The following P4HA2 variants were observed in gnomAD, a reference collection of about 807,000 sequenced individuals.
P4HA2 encodes prolyl 4-hydroxylase subunit alpha-2.
P4HA2 carries 46 observed loss-of-function variants against 76.9 expected under a neutral mutation model. The ratio of observed to expected loss-of-function variants is 0.60; its 90% CI spans 0.47 to 0.76. The LOEUF is 0.76. Among genes scored for constraint, P4HA2 ranks in the 30% least tolerant of loss-of-function variants. The pLI is 0.00. For synonymous variants in P4HA2, 243 were observed against 254.0 expected (o/e 0.96, Z 0.41); for missense variants, 583 against 669.4 (o/e 0.87, Z 1.42).
rs74731908 is a variant in P4HA2, at chr5:132,219,504, A to C, written c.-18-860T>G. ...ATAGGCACAACCTGAGACAAACCCC[A>C]CTGGCAGTAAACCTCAGTCCACAAC... On this transcript the variant is annotated intron_variant, in intron 1 of 14. Transcript: ENST00000360568. Among the ~76,000 whole-genome samples, 589 of 152,152 alleles carry C rather than the reference A, an allele frequency of 3.9e-3. 4 individuals are homozygous for C. The highest frequency in any genetic ancestry group is 0.013 in the African/African-American group (546 of 41,512).
chr5:132,198,107 C>T, intron 12 of P4HA2: 1 of 1,556,596 alleles, frequency 6.4e-7, no homozygotes, highest in Non-Finnish European at 8.7e-7. Context: ...CTGACCATTA[C>T]TTAACAGCAG....
chr5:132,225,049 GA>G (rs371037185), intron 1 of P4HA2, among the ~76,000 whole-genome samples: 45,711 of 116,252 alleles, frequency 0.39, 8,316 homozygotes, highest in Non-Finnish European at 0.47. Context: ...CTGCTCTGAG[GA>G]AAAAAAAAAA....
At chr5:132,204,243 CT>C in intron 8 of P4HA2, 91 bp from the exon 9 acceptor site, 1 of 1,020,410 alleles carries the variant, frequency 9.8e-7, no homozygotes, top group South Asian at 1.3e-5. Flanking sequence ...ACCAGATTTA[CT>C]GCCATGCTAG....
intron 1 of P4HA2, among the ~76,000 whole-genome samples, chr5:132,222,957 G>C (rs1272261981): frequency 6.6e-6 from 1 of 152,192 alleles, no homozygotes. Flanking sequence ...CCACAAAAGG[G>C]AACTACACTT....
intron 8 of P4HA2, 102 bp from the exon 9 acceptor site, chr5:132,204,254 G>T: frequency 1.1e-6 from 1 of 930,144 alleles, no homozygotes; most frequent in Non-Finnish European, 1.7e-6. Context: ...TGCCATGCTA[G>T]TGGAGGAAGC....
intron 5 of P4HA2, among the ~76,000 whole-genome samples, chr5:132,213,204 C>T (rs1157349326): frequency 6.6e-6 from 1 of 152,154 alleles, no homozygotes; most frequent in Non-Finnish European, 1.5e-5. Context: ...AGTTAAAGAA[C>T]ATTATGTGTG....
rs15826 is a variant in P4HA2 at position 132,198,891 on chromosome 5, G to A, written c.1293C>T (p.Phe431=). 151 of 1,611,786 alleles carry A rather than the reference G, an allele frequency of 9.4e-5. No homozygotes were observed. The highest frequency in any genetic ancestry group is 1.6e-4 in the Middle Eastern group (1 of 6,084). ...ATTTAGGCCTTACCCTAGAGAAGTC[G>A]AAGTGCGGTTCATACTGTCCTCCCA... ...YGVGGQYEPH[F]DFSRRPFDSG... is the part of the protein sequence containing the mutation. The change falls in exon 11 of 15, where the codon TTC becomes TTT. Residue 431 remains phenylalanine, a synonymous_variant. Transcript: ENST00000360568.
At chr5:132,203,176 T>C (rs1446670619) in intron 10 of P4HA2, among the ~76,000 whole-genome samples, 9 of 152,232 alleles carry the variant, frequency 5.9e-5, no homozygotes, top group Non-Finnish European at 1.2e-4. Flanking sequence ...ATTTTGAGGA[T>C]TGCTGCAGCC....
chr5:132,193,219 T>C, intron 14 of P4HA2, 139 bp from the exon 15 acceptor site: 1 of 642,738 alleles, frequency 1.6e-6, no homozygotes, highest in South Asian at 1.9e-5. Context: ...AGGCCTCAAT[T>C]TGCTGAAGAA....
chr5:132,209,565 G>T (rs369122388), intron 6 of P4HA2, among the ~76,000 whole-genome samples: 1 of 152,014 alleles, frequency 6.6e-6, no homozygotes, highest in African/African-American at 2.4e-5. Flanking sequence ...GGTGGATCAC[G>T]TGAGGTCACG....
intron 1 of P4HA2, among the ~76,000 whole-genome samples, chr5:132,220,767 T>C (rs931673172): frequency 6.6e-6 from 1 of 151,158 alleles, no homozygotes; most frequent in Admixed American, 6.6e-5. Context: ...ACAGATAGGG[T>C]TTGGGCAGAG....
rs192371046 is a variant in P4HA2, at chr5:132,204,944, T to C, written c.1081-792A>G. ...AGCCAGCCAACATGGCAAAGGTCCA[T>C]GTGCTTCAGCTGTGGACTGTCCTCA... On this transcript the variant is annotated intron_variant, in intron 8 of 14. Coordinates refer to ENST00000360568, the MANE Select transcript of P4HA2 (RefSeq NM_001017974.2). Among the ~76,000 whole-genome samples the C allele has an allele frequency of 2.1e-3, 326 of 152,362 alleles. 3 individuals carry two copies. The highest frequency in any genetic ancestry group is 3.5e-3 in the Non-Finnish European group (238 of 68,034).
chr5:132,195,382 A>G (rs777321657), intron 13 of P4HA2, 30 bp downstream of exon 13: 13 of 1,531,202 alleles, frequency 8.5e-6, no homozygotes, highest in Middle Eastern at 1.7e-4. Context: ...GCCTTGCTTC[A>G]ACCTCTGACC....
At chr5:132,198,562 G>A (rs1251785930) in intron 11 of P4HA2, among the ~76,000 whole-genome samples, 182 bp from the exon 12 acceptor site, 3 of 152,196 alleles carry the variant, frequency 2.0e-5, no homozygotes, top group Non-Finnish European at 4.4e-5. Context: ...AAGAGGAAAA[G>A]GGACAAGAAC....
chr5:132,209,012 T>C (rs779486623), intron 7 of P4HA2, 126 bp downstream of exon 7: 22 of 690,300 alleles, frequency 3.2e-5, no homozygotes, highest in Non-Finnish European at 5.0e-5. Context: ...GGAGATGCCA[T>C]GAAAAACTGG....
In P4HA2 at chr5:132,209,272, C is replaced by G; in HGVS notation, c.769G>C (p.Glu257Gln). 1 of 1,614,180 alleles carries G rather than the reference C, an allele frequency of 6.2e-7. No individual in the cohort carries two copies. The highest frequency in any genetic ancestry group is 8.5e-7 in the Non-Finnish European group (1 of 1,180,020). Residue 257 changes from glutamate (E) to glutamine (Q), a missense_variant, in exon 7 of 15, where the codon GAG (glutamate) becomes CAG (glutamine). Coordinates refer to ENST00000360568, the MANE Select transcript of P4HA2 (RefSeq NM_001017974.2). ...LRYFEQLLEEEREKTLTNQTE... is the reference protein window; with the variant it reads ...LRYFEQLLEEQREKTLTNQTE... Reference sequence around the variant, plus strand: ...TGATTTGTTAACGTTTTTTCTCTCTCTTCCTCCAATAACTGCTCAAAGTAC... The same window carrying G: ...TGATTTGTTAACGTTTTTTCTCTCTGTTCCTCCAATAACTGCTCAAAGTAC...
chr5:132,217,207 G>T lies in P4HA2; in HGVS notation c.321C>A (p.Asp107Glu). Residue 107 changes from aspartate (D) to glutamate (E), a missense_variant, in exon 4 of 15, where the codon GAC becomes GAA. Asp to Glu is a conservative substitution (Grantham distance 45, BLOSUM62 2). Transcript: ENST00000360568. ...WPALEDLVLQDSAAGFIANLS... is the reference protein window; with the variant it reads ...WPALEDLVLQESAAGFIANLS... The stretch of plus-strand genomic sequence containing the variant: ...CTCACCGTCCCTCACCTGCAGCTGA[G>T]TCCTGCAGGACAAGGTCCTCCAGCG... The T allele has an allele frequency of 6.2e-7, 1 of 1,614,034 alleles. No individual in the cohort carries two copies. The highest frequency in any genetic ancestry group is 8.5e-7 in the Non-Finnish European group (1 of 1,179,920).
At chr5:132,202,343 A>C (rs1192830739) in intron 10 of P4HA2, 1 of 151,844 alleles carries the variant, frequency 6.6e-6, no homozygotes, top group Non-Finnish European at 1.5e-5. Flanking sequence ...ATGCAGCTAC[A>C]CAGAAAAAAC....
rs1750013835 is a variant in P4HA2 at position 132,192,618 on chromosome 5, T to A, written c.*392A>T. 6.1e-6 allele frequency: 1 copy of A among 162,984 alleles called. No homozygotes were observed. Among genetic ancestry groups the A allele is most frequent in the Admixed American group, 6.4e-5 (1 of 15,628 alleles). The allele number at this position is 162,984 out of a possible 1,614,324, so 10.1% of individuals were successfully genotyped here. A position where few individuals can be genotyped will look rare whatever the true frequency, so the allele number is the denominator to read the frequency against. ...TACTCCAAGTAAGGCTCTTTAAGGCTTCTGGTAGGGACATTTTATTTTTTG... is the reference window on the plus strand; with the variant it reads ...TACTCCAAGTAAGGCTCTTTAAGGCATCTGGTAGGGACATTTTATTTTTTG... On this transcript the variant is annotated 3_prime_UTR_variant, in exon 15 of 15. Transcript: ENST00000360568.
Sources: gnomAD v4.1 joint callset for allele counts (sites outside exome capture counted in the v4.1 genomes callset) on GRCh38, gnomAD v4.1.1 for gene constraint, MANE v1.5 for transcripts, NCBI Gene and HGNC (gene_info 2026-07-23, HGNC 2026-07-21) for gene names.